The following NUBPL variants were observed in gnomAD, a reference collection of about 807,000 sequenced individuals.
NUBPL encodes iron-sulfur cluster transfer protein NUBPL.
Under a neutral mutation model 45.7 loss-of-function variants are expected in NUBPL, and 31 were observed. That is an observed-to-expected ratio of 0.68 (90% CI 0.51 to 0.92). The LOEUF is 0.92. Among genes scored for constraint, NUBPL ranks in the 40% least tolerant of loss-of-function variants. The pLI, the probability that NUBPL is intolerant of heterozygous loss-of-function variation, is 0.00. For synonymous variants in NUBPL, 144 were observed against 140.9 expected, an observed-to-expected ratio of 1.02 and a Z score of -0.15; for missense variants, 401 against 398.7, an observed-to-expected ratio of 1.01 and a Z score of -0.05.
chr14:31,633,643 G>T (rs1254951309), intron 4 of NUBPL, among the ~76,000 whole-genome samples: 1 of 152,140 alleles, frequency 6.6e-6, no homozygotes, highest in Non-Finnish European at 1.5e-5. Flanking sequence ...ATAAATAATG[G>T]TCTGGCATCA....
At chr14:31,599,698 A>C (rs1457655966) in intron 4 of NUBPL, among the ~76,000 whole-genome samples, 1 of 152,206 alleles carries the variant, frequency 6.6e-6, no homozygotes, top group African/African-American at 2.4e-5. Flanking sequence ...ATTAATAAAA[A>C]CAATATAATT....
chr14:31,798,648 C>A (rs1025526968), intron 7 of NUBPL, among the ~76,000 whole-genome samples: 2 of 151,222 alleles, frequency 1.3e-5, no homozygotes, highest in Admixed American at 6.6e-5. Flanking sequence ...AAAAATTAGC[C>A]GGGCATAGTG....
chr14:31,731,307 C>T (rs1334792310), intron 6 of NUBPL, among the ~76,000 whole-genome samples: 1 of 152,138 alleles, frequency 6.6e-6, no homozygotes, highest in East Asian at 1.9e-4. Flanking sequence ...GTAAGAGATA[C>T]AGATATTCAG....
At chr14:31,771,746 T>TA (rs1355253931) in intron 6 of NUBPL, 5 of 259,254 alleles carry the variant, frequency 1.9e-5, no homozygotes, top group Non-Finnish European at 2.4e-5. Context: ...AGCCTTATAA[T>TA]AGGCTCTCAA....
intron 6 of NUBPL, among the ~76,000 whole-genome samples, chr14:31,744,513 G>T (rs369058995): frequency 6.6e-6 from 1 of 151,540 alleles, no homozygotes; most frequent in Non-Finnish European, 1.5e-5. Flanking sequence ...AATATAGTAT[G>T]TAGAGAACAA....
intron 6 of NUBPL, among the ~76,000 whole-genome samples, chr14:31,731,689 C>T (rs2038051028): frequency 6.6e-6 from 1 of 152,162 alleles, no homozygotes; most frequent in African/African-American, 2.4e-5. Context: ...TGGAAATGCC[C>T]CCTGTATTCT....
chr14:31,795,241 T>G (rs1195478464), intron 7 of NUBPL, among the ~76,000 whole-genome samples: 4 of 151,212 alleles, frequency 2.6e-5, no homozygotes, highest in South Asian at 4.2e-4. Flanking sequence ...ATATGAACTT[T>G]AAAGTAGTTT....
intron 4 of NUBPL, among the ~76,000 whole-genome samples, chr14:31,616,466 C>A (rs562611937): frequency 6.6e-6 from 1 of 150,994 alleles, no homozygotes; most frequent in Admixed American, 6.6e-5. Context: ...ATGAAGGGAT[C>A]CAGTTTCAGC....
At chr14:31,735,904 A>G (rs949677548) in intron 6 of NUBPL, among the ~76,000 whole-genome samples, 10 of 152,220 alleles carry the variant, frequency 6.6e-5, no homozygotes, top group African/African-American at 2.4e-4. Flanking sequence ...AAGACATATT[A>G]CTTGTTTGTC....
intron 6 of NUBPL, among the ~76,000 whole-genome samples, chr14:31,751,632 A>G (rs2038531773): frequency 6.6e-6 from 1 of 152,220 alleles, no homozygotes; most frequent in South Asian, 2.1e-4. Context: ...ACAAGCTGGC[A>G]TTGAGTGCCT....
chr14:31,669,817 T>TTTTTTTTTTTTTC (rs2036530880), intron 4 of NUBPL, among the ~76,000 whole-genome samples: 2 of 149,592 alleles, frequency 1.3e-5, no homozygotes, highest in East Asian at 2.0e-4. Context: ...TTGTTTTTTT[T>TTTTTTTTTTTTTC]TTTTTACGGC....
chr14:31,644,103 T>G (rs1436627105), intron 4 of NUBPL, among the ~76,000 whole-genome samples: 4 of 152,058 alleles, frequency 2.6e-5, no homozygotes, highest in African/African-American at 9.6e-5. Context: ...AACTTTTTGT[T>G]TCATTGATCT....
chr14:31,666,274 A>ATTTAT (rs1566487292), intron 4 of NUBPL, among the ~76,000 whole-genome samples: 3 of 60,778 alleles, frequency 4.9e-5, no homozygotes, highest in African/African-American at 1.3e-4. Context: ...ATTTTATTTT[A>ATTTAT]TTTTTTTTGA....
chr14:31,709,259 G>A (rs2037518317), intron 6 of NUBPL, among the ~76,000 whole-genome samples: 1 of 152,132 alleles, frequency 6.6e-6, no homozygotes, highest in Non-Finnish European at 1.5e-5. Flanking sequence ...TTTTCTTAAG[G>A]CCTCCCATAG....
At chr14:31,600,237 G>A (rs1477621277) in intron 4 of NUBPL, among the ~76,000 whole-genome samples, 2 of 151,950 alleles carry the variant, frequency 1.3e-5, no homozygotes, top group African/African-American at 2.4e-5. Flanking sequence ...ATTTTTATTT[G>A]GCAATCATTT....
chr14:31,694,761 G>A (rs1359871105), intron 6 of NUBPL, among the ~76,000 whole-genome samples: 1 of 152,100 alleles, frequency 6.6e-6, no homozygotes, highest in Non-Finnish European at 1.5e-5. Flanking sequence ...TGATCTGCCC[G>A]CCTCGGCCTT....
intron 4 of NUBPL, among the ~76,000 whole-genome samples, chr14:31,646,560 G>A (rs895937931): frequency 6.6e-6 from 1 of 152,124 alleles, no homozygotes; most frequent in Non-Finnish European, 1.5e-5. Context: ...TATGGTTTCT[G>A]TTGAGAAGTG....
At chr14:31,732,364 TA>T in intron 6 of NUBPL, among the ~76,000 whole-genome samples, 1 of 152,088 alleles carries the variant, frequency 6.6e-6, no homozygotes. Context: ...GAATCTTTTT[TA>T]AAAACACTTT....
chr14:31,758,380 T>C (rs978917597), intron 6 of NUBPL, among the ~76,000 whole-genome samples: 8 of 152,218 alleles, frequency 5.3e-5, no homozygotes, highest in African/African-American at 1.9e-4. Context: ...GCATTTTCAT[T>C]ATTAATGTTT....
Sources: allele counts gnomAD v4.1 joint callset (sites outside exome capture counted in the v4.1 genomes callset), GRCh38; gene constraint gnomAD v4.1.1; transcripts MANE v1.5; gene names NCBI Gene and HGNC (gene_info 2026-07-23, HGNC 2026-07-21).